The following GULP1 variants were observed in gnomAD, a reference collection of about 807,000 sequenced individuals.
The protein encoded by GULP1 is GULP PTB domain containing engulfment adaptor 1.
A neutral mutation model predicts 40.9 loss-of-function variants in GULP1; 19 were observed. That is an observed-to-expected ratio of 0.46 (90% CI 0.32 to 0.68). GULP1 has a LOEUF of 0.68. Ranked by LOEUF, GULP1 falls within the 30% of genes least tolerant of loss-of-function variation. The pLI, the probability that GULP1 is intolerant of heterozygous loss-of-function variation, is 0.03. For missense variants in GULP1, 312 were observed against 362.2 expected (o/e 0.86, Z 1.12); for synonymous variants, 119 against 117.6 (o/e 1.01, Z -0.08).
At chr2:188,293,680 CT>C (rs1181044936) in intron 1 of GULP1, 1 of 152,208 alleles carries the variant, frequency 6.6e-6, no homozygotes, top group Non-Finnish European at 1.5e-5. Context: ...TGACTACAGG[CT>C]TTGCTGGAAA....
chr2:188,501,062 G>A lies in GULP1; in HGVS notation c.90+17570G>A, dbSNP rs570145644. ...GACCCTATATGTACTTACCTATGTT[G>A]GTTACTATTATGGCTCCCATTTTAT... On this transcript the variant is annotated intron_variant, in intron 4 of 11. Transcript: ENST00000409830. 4.0e-5 allele frequency among the ~76,000 whole-genome samples: 6 copies of A among 151,878 alleles called. No individual in the cohort carries two copies. The East Asian group carries it at 1.2e-3, about 30-fold the overall frequency.
chr2:188,418,542 A>C (rs535723167), intron 2 of GULP1, among the ~76,000 whole-genome samples: 1 of 152,316 alleles, frequency 6.6e-6, no homozygotes, highest in East Asian at 1.9e-4. Context: ...CTGAGGCACA[A>C]GAATCAGTTG....
intron 2 of GULP1, among the ~76,000 whole-genome samples, chr2:188,426,183 A>G (rs1367561523): frequency 1.3e-5 from 2 of 152,218 alleles, no homozygotes; most frequent in Non-Finnish European, 2.9e-5. Context: ...ACAGGTTGTA[A>G]GTGGATTCAA....
At chr2:188,425,077 T>G (rs2055991072) in intron 2 of GULP1, among the ~76,000 whole-genome samples, 1 of 152,070 alleles carries the variant, frequency 6.6e-6, no homozygotes, top group Admixed American at 6.6e-5. Context: ...TGAAAATGGT[T>G]GTTCCAATCT....
chr2:188,327,510 C>T (rs2040920376), intron 1 of GULP1, among the ~76,000 whole-genome samples: 1 of 152,098 alleles, frequency 6.6e-6, no homozygotes, highest in African/African-American at 2.4e-5. Context: ...ACTGTAGAGG[C>T]TATTTACTAT....
At chr2:188,376,912 G>A (rs1384410443) in intron 1 of GULP1, among the ~76,000 whole-genome samples, 1 of 152,180 alleles carries the variant, frequency 6.6e-6, no homozygotes, top group Non-Finnish European at 1.5e-5. Flanking sequence ...AGTGGCTCAT[G>A]CCTGTAATCC....
At chr2:188,373,324 A>G (rs1335888395) in intron 1 of GULP1, among the ~76,000 whole-genome samples, 2 of 151,932 alleles carry the variant, frequency 1.3e-5, no homozygotes, top group East Asian at 1.9e-4. Flanking sequence ...GCTTAATAAG[A>G]TAAACTTTTA....
At chr2:188,365,965 T>G (rs1360281844) in intron 1 of GULP1, among the ~76,000 whole-genome samples, 1 of 152,170 alleles carries the variant, frequency 6.6e-6, no homozygotes, top group African/African-American at 2.4e-5. Context: ...GTCATACCAA[T>G]GCCAGGGCCA....
chr2:188,483,749 A>G (rs2061620303), intron 4 of GULP1, among the ~76,000 whole-genome samples: 1 of 152,154 alleles, frequency 6.6e-6, no homozygotes. Context: ...TGTTAAAAAC[A>G]TTTGCAATAT....
intron 2 of GULP1, among the ~76,000 whole-genome samples, chr2:188,390,093 CA>C (rs901319402): frequency 5.3e-5 from 8 of 152,166 alleles, no homozygotes; most frequent in African/African-American, 1.9e-4. Context: ...CATACGCATG[CA>C]GGTGTCTTTT....
At chr2:188,376,411 G>A (rs1217222991) in intron 1 of GULP1, among the ~76,000 whole-genome samples, 1 of 152,098 alleles carries the variant, frequency 6.6e-6, no homozygotes, top group Non-Finnish European at 1.5e-5. Context: ...GACATTAAGG[G>A]AAAATAAACT....
intron 9 of GULP1, among the ~76,000 whole-genome samples, chr2:188,581,332 A>C (rs904868315): frequency 2.0e-5 from 3 of 152,190 alleles, no homozygotes; most frequent in African/African-American, 7.2e-5. Flanking sequence ...TAATGAGACA[A>C]AGCCTCACTT....
intron 1 of GULP1, among the ~76,000 whole-genome samples, chr2:188,352,734 T>C (rs2044676415): frequency 6.6e-6 from 1 of 151,936 alleles, no homozygotes; most frequent in African/African-American, 2.4e-5. Context: ...TTCAGTAAGA[T>C]TTCAATTTGA....
intron 11 of GULP1, chr2:188,589,662 C>T (rs373587320): frequency 9.1e-6 from 6 of 659,884 alleles, no homozygotes; most frequent in Middle Eastern, 2.7e-4. Flanking sequence ...AATGTTAAAC[C>T]GTGGTGTTTT....
intron 7 of GULP1, among the ~76,000 whole-genome samples, chr2:188,563,259 A>G (rs1696774743): frequency 1.3e-5 from 2 of 151,928 alleles, no homozygotes; most frequent in Admixed American, 6.6e-5. Context: ...GCAATCTCTA[A>G]AAACTTCATC....
At chr2:188,519,339 A>G (rs779392692) in intron 4 of GULP1, among the ~76,000 whole-genome samples, 21 of 152,118 alleles carry the variant, frequency 1.4e-4, no homozygotes, top group Non-Finnish European at 2.1e-4. Context: ...TTTTTCCCCT[A>G]TGGCCTTATT....
chr2:188,336,711 T>C (rs1277259028), intron 1 of GULP1, among the ~76,000 whole-genome samples: 1 of 152,144 alleles, frequency 6.6e-6, no homozygotes, highest in Non-Finnish European at 1.5e-5. Context: ...TGAATATATG[T>C]GGGCATGTAG....
chr2:188,515,115 T>A (rs1049272647), intron 4 of GULP1, among the ~76,000 whole-genome samples: 4 of 152,170 alleles, frequency 2.6e-5, no homozygotes, highest in African/African-American at 9.7e-5. Flanking sequence ...TAGTTTGAAA[T>A]GAAACTGCCA....
At chr2:188,420,945 T>G (rs961989536) in intron 2 of GULP1, among the ~76,000 whole-genome samples, 9 of 152,278 alleles carry the variant, frequency 5.9e-5, no homozygotes, top group African/African-American at 2.2e-4. Context: ...TCTGGGAATT[T>G]GTCTGTCTCC....
Sources: gnomAD v4.1 joint callset for allele counts (sites outside exome capture counted in the v4.1 genomes callset) on GRCh38, gnomAD v4.1.1 for gene constraint, MANE v1.5 for transcripts, NCBI Gene and HGNC (gene_info 2026-07-23, HGNC 2026-07-21) for gene names.